RASIP1: variants seen among roughly 807,000 people sequenced by gnomAD.
The protein encoded by RASIP1 is Ras interacting protein 1, also known as ras-interacting protein 1.
A neutral mutation model predicts 85.3 loss-of-function variants in RASIP1; 20 were observed. The ratio of observed to expected loss-of-function variants is 0.23; its 90% confidence interval spans 0.17 to 0.34. The LOEUF (loss-of-function observed/expected upper bound fraction) is 0.34, where lower values mean the gene tolerates loss of function less well. Among genes scored for constraint, RASIP1 ranks in the 10% least tolerant of loss-of-function variants. The probability of loss-of-function intolerance (pLI) is 1.00; values close to 1 mark genes in which losing one functional copy is unlikely to be tolerated. For synonymous variants in RASIP1, 617 were observed against 647.1 expected, an observed-to-expected ratio of 0.95 and a Z score of 0.71; for missense variants, 1,170 against 1,390.9, an observed-to-expected ratio of 0.84 and a Z score of 2.53.
Position 48,729,497 on chromosome 19 carries a change from C to A in RASIP1, c.1273G>T (p.Asp425Tyr). 6.3e-7 allele frequency: 1 copy of A among 1,591,206 alleles called. No individual in the cohort carries two copies. The highest frequency in any genetic ancestry group is 8.6e-7 in the Non-Finnish European group (1 of 1,169,446). The change falls in exon 5 of 12, where the codon GAC becomes TAC. Residue 425 changes from aspartate to tyrosine, a missense_variant. By Grantham distance (160) the Asp-to-Tyr change is radical. Around this residue, in one of 4 missense-constraint regions of RASIP1, gnomAD observed 301 missense variants for 294.8 expected, o/e 1.02. Coordinates refer to ENST00000222145, the MANE Select transcript of RASIP1 (RefSeq NM_017805.3). ...GRGGSPAPYV[D>Y]TFLNAPDILP... ...ATGTCCGGGGCGTTGAGGAAGGTGTCCACATAGGGAGCCGGGGACCCCCCG... is the reference window on the plus strand; with the variant it reads ...ATGTCCGGGGCGTTGAGGAAGGTGTACACATAGGGAGCCGGGGACCCCCCG...
chr19:48,724,406 G>A lies in RASIP1; in HGVS notation c.2475C>T (p.Ala825=). 1 of 1,614,194 alleles carries A rather than the reference G, an allele frequency of 6.2e-7. No homozygotes were observed. The highest frequency in any genetic ancestry group is 1.1e-5 in the South Asian group (1 of 91,084). The change falls in exon 10 of 12, where the codon GCC becomes GCT. Residue 825 remains alanine, a synonymous_variant. Coordinates refer to ENST00000222145, the MANE Select transcript of RASIP1 (RefSeq NM_017805.3). The surrounding 1 kb of genome is among the most constrained non-coding windows in gnomAD (Gnocchi z 4.6). ...TGGAGAGTTTCCGGAAGAACTCAGT[G>A]GCAATGTCGCCCAGCCCAGCTCCCT... is the stretch of plus-strand genomic sequence containing the variant. The part of the protein sequence containing the change: ...WLQGAGLGDI[A]TEFFRKLSMA...
In RASIP1 at chr19:48,738,661, C is replaced by G. The variant is rs1239298638; in HGVS notation, c.823+299G>C. 7.8e-6 allele frequency: 2 copies of G among 255,194 alleles called. No homozygotes were observed. The highest frequency in any genetic ancestry group is 2.3e-5 in the African/African-American group (1 of 44,294). 15.8% of individuals were successfully genotyped at this position (255,194 alleles called of 1,614,324 possible). A position where few individuals can be genotyped will look rare whatever the true frequency, so the allele number is the denominator to read the frequency against. On this transcript the variant is annotated intron_variant, in intron 3 of 11. Transcript: ENST00000222145. This position sits in a 1 kb window ranked among gnomAD's most constrained non-coding sequence, Gnocchi z 4.0. ...CAATTCGGAGCCACTTCAGGCCACT[C>G]CAAGCCACCACCAGCAACCAGCCCC...
chr19:48,729,616 AG>A, intron 4 of RASIP1, 26 bp from the exon 5 acceptor site: 2 of 1,558,410 alleles, frequency 1.3e-6, no homozygotes, highest in Non-Finnish European at 1.7e-6. Flanking sequence ...GGATGCACTA[AG>A]GACATCACTT....
intron 4 of RASIP1, among the ~76,000 whole-genome samples, chr19:48,734,490 C>CTTTTT (rs796991108): frequency 7.9e-6 from 1 of 127,352 alleles, no homozygotes; most frequent in African/African-American, 2.9e-5. Context: ...TTTTTTCTTT[C>CTTTTT]TTTTTTTTTT....
chr19:48,723,117 C>A (rs753359054), intron 10 of RASIP1, among the ~76,000 whole-genome samples: 1 of 152,104 alleles, frequency 6.6e-6, no homozygotes, highest in Non-Finnish European at 1.5e-5. Flanking sequence ...AACTCCTGGG[C>A]TCAAGCGGTC....
At chr19:48,726,749 G>A in intron 8 of RASIP1, 36 bp downstream of exon 8, 1 of 1,469,904 alleles carries the variant, frequency 6.8e-7, no homozygotes, top group South Asian at 1.2e-5. Flanking sequence ...AGGAAGTGAT[G>A]CTATGTCAAA....
chr19:48,724,925 A>G lies in RASIP1; in HGVS notation c.2163T>C (p.Ser721=). The change falls in exon 9 of 12, where the codon AGT becomes AGC. Residue 721 remains serine (S), a synonymous_variant. Transcript: ENST00000222145. This position sits in a 1 kb window ranked among gnomAD's most constrained non-coding sequence, Gnocchi z 4.6. ...GCTCTGCACCAGCTGTGAAAGGGTT[A>G]CTATCCAGGAGAGCAGGCAGCGTTG... ...LYSTLPALLD[S]NPFTAGAELP... 2 of 1,614,162 alleles carry G rather than the reference A, an allele frequency of 1.2e-6. No homozygotes were observed. The highest frequency in any genetic ancestry group is 1.7e-6 in the Non-Finnish European group (2 of 1,180,004).
chr19:48,727,154 G>A lies in RASIP1; in HGVS notation c.1876C>T (p.Pro626Ser). 6.2e-7 allele frequency: 1 copy of A among 1,613,708 alleles called. No homozygotes were observed. Among genetic ancestry groups the A allele is most frequent in the South Asian group, 1.1e-5 (1 of 91,046 alleles). The change falls in exon 7 of 12, where the codon CCT (proline) becomes TCT (serine). Residue 626 changes from proline (P) to serine (S), a missense_variant. Transcript: ENST00000222145. ...AGGGGCACCTCGGGGACCCCCTCAG[G>A]GTGGCTTGAAAAAGAGGAAGGAATT... ...EIGDRQPENH[P>S]EGVPEVPLTP...
chr19:48,732,848 G>A (rs188740866), intron 4 of RASIP1, among the ~76,000 whole-genome samples: 5 of 152,200 alleles, frequency 3.3e-5, no homozygotes, highest in Admixed American at 1.3e-4. Context: ...AACCCAATTG[G>A]ATCTTTCTGT....
intron 4 of RASIP1, among the ~76,000 whole-genome samples, chr19:48,733,805 C>CAA (rs34801352): frequency 2.3e-4 from 29 of 128,210 alleles, no homozygotes; most frequent in South Asian, 2.5e-4. Flanking sequence ...GAATCCATCT[C>CAA]AAAAAAAAAA....
intron 8 of RASIP1, among the ~76,000 whole-genome samples, chr19:48,726,073 C>T (rs549025728): frequency 1.7e-4 from 26 of 152,154 alleles, no homozygotes; most frequent in Non-Finnish European, 2.6e-4. Context: ...ATTGCAGGCA[C>T]GCGCTACCAT....
intron 4 of RASIP1, among the ~76,000 whole-genome samples, chr19:48,734,243 C>T (rs1209986216): frequency 2.6e-5 from 4 of 151,666 alleles, no homozygotes; most frequent in South Asian, 4.2e-4. Context: ...TGCAGTGAGC[C>T]GAGATCGCGC....
rs2033215205 is a variant in RASIP1, at chr19:48,720,838, G to C, written c.2852C>G (p.Ala951Gly). Residue 951 changes from alanine to glycine, a missense_variant, in exon 12 of 12, where the codon GCC (alanine) becomes GGC (glycine). Ala to Gly is a moderately conservative substitution (Grantham distance 60, BLOSUM62 0). Coordinates refer to ENST00000222145, the MANE Select transcript of RASIP1 (RefSeq NM_017805.3). Reference protein sequence around the residue: ...LWDLEQQELPANYRHGPPVAT... With the variant: ...LWDLEQQELPGNYRHGPPVAT... ...CACGGGAGGCCCATGGCGATAATTG[G>C]CTGGCAGCTCCTGCTGCTCAAGATC... 1 of 1,613,954 alleles carries C rather than the reference G, an allele frequency of 6.2e-7. No homozygotes were observed. The highest frequency in any genetic ancestry group is 1.1e-5 in the South Asian group (1 of 91,090).
intron 8 of RASIP1, chr19:48,725,236 G>C: frequency 2.8e-6 from 1 of 351,728 alleles, no homozygotes; most frequent in Admixed American, 4.4e-5. Flanking sequence ...ACTGGACAAA[G>C]AGTTCCCTTT....
Position 48,738,168 on chromosome 19 carries a change from C to T in RASIP1, c.823+792G>A, listed in dbSNP as rs930350867. Among the ~76,000 whole-genome samples, 4 of 152,212 alleles carry T rather than the reference C, an allele frequency of 2.6e-5. No homozygotes were observed. The highest frequency in any genetic ancestry group is 1.3e-4 in the Admixed American group (2 of 15,278). On this transcript the variant is annotated intron_variant, in intron 3 of 11. Transcript: ENST00000222145. The surrounding 1 kb of genome is among the most constrained non-coding windows in gnomAD (Gnocchi z 4.0). ...CCATGTTGGCCAGACTGGTCTCGAA[C>T]TCCCAACCTCAGGTGATCCGCCCGC...
At chr19:48,721,160 C>T (rs1023772638) in intron 11 of RASIP1, among the ~76,000 whole-genome samples, 163 bp from the exon 12 acceptor site, 1 of 152,150 alleles carries the variant, frequency 6.6e-6, no homozygotes, top group South Asian at 2.1e-4. Context: ...AGCCCCTGGG[C>T]ATGATGGAAG....
chr19:48,727,476 G>A lies in RASIP1; in HGVS notation c.1834-46C>T, dbSNP rs368430008. On this transcript the variant is annotated intron_variant, in intron 5 of 11. Transcript: ENST00000222145. ...AATCAAGGTGAGGGGGATCCACTGA[G>A]GGGCTTAAGAGTTAATACCCTGGTT... is the stretch of plus-strand genomic sequence containing the variant. 1.7e-5 allele frequency: 27 copies of A among 1,589,364 alleles called. No homozygotes were observed. In the African/African-American group the frequency reaches 2.2e-4, roughly 13 times the overall value.
rs1249220849 is a variant in RASIP1 at position 48,738,279 on chromosome 19, A to G, written c.823+681T>C. ...TCTTTAATTCAAAAAGACCCTTGTC[A>G]ATATTCAGTATCAAAACAGTTGCAC... is the stretch of plus-strand genomic sequence containing the variant. On this transcript the variant is annotated intron_variant, in intron 3 of 11. Transcript: ENST00000222145. The surrounding 1 kb of genome is among the most constrained non-coding windows in gnomAD (Gnocchi z 4.0). 9.2e-5 allele frequency among the ~76,000 whole-genome samples: 14 copies of G among 152,170 alleles called. No homozygotes were observed.
Position 48,720,845 on chromosome 19 carries a change from G to A in RASIP1, c.2845C>T (p.Leu949=), listed in dbSNP as rs200381072. The A allele has an allele frequency of 6.2e-7, 1 of 1,613,980 alleles. No individual in the cohort carries two copies. The highest frequency in any genetic ancestry group is 8.5e-7 in the Non-Finnish European group (1 of 1,180,038). The change falls in exon 12 of 12, where the codon CTG becomes TTG. Residue 949 remains leucine (L), a synonymous_variant. Transcript: ENST00000222145. Reference sequence around the variant, plus strand: ...GGCCCATGGCGATAATTGGCTGGCAGCTCCTGCTGCTCAAGATCCCAGAGG... The same window carrying A: ...GGCCCATGGCGATAATTGGCTGGCAACTCCTGCTGCTCAAGATCCCAGAGG... ...RLLWDLEQQE[L]PANYRHGPPV... is the part of the protein sequence containing the mutation.
Sources: gnomAD v4.1 joint callset for allele counts (sites outside exome capture counted in the v4.1 genomes callset) on GRCh38, gnomAD v4.1.1 for gene constraint, gnomAD v4.1.1 regional missense constraint, Gnocchi (gnomAD v3.1) non-coding constraint, MANE v1.5 for transcripts, NCBI Gene and HGNC (gene_info 2026-07-23, HGNC 2026-07-21) for gene names.